FHIT: variants seen among roughly 807,000 people sequenced by gnomAD.
FHIT encodes fragile histidine triad diadenosine triphosphatase.
Under a neutral mutation model 17.9 loss-of-function variants are expected in FHIT, and 19 were observed. That is an observed-to-expected ratio of 1.06 (90% CI 0.74 to 1.56). The LOEUF (loss-of-function observed/expected upper bound fraction) is 1.56. FHIT is among the 40% of genes most tolerant of loss of function. FHIT has a pLI of 0.00. For synonymous variants in FHIT, 81 were observed against 69.7 expected (o/e 1.16, Z -0.81); for missense variants, 248 against 189.2 (o/e 1.31, Z -1.82).
chr3:60,763,854 C>T (rs1326019184), intron 4 of FHIT, among the ~76,000 whole-genome samples: 3 of 152,184 alleles, frequency 2.0e-5, no homozygotes, highest in African/African-American at 7.2e-5. Context: ...GTTAACACTG[C>T]TTTTTACTTC....
intron 5 of FHIT, among the ~76,000 whole-genome samples, chr3:60,083,711 T>C (rs1255060247): frequency 6.6e-6 from 1 of 152,186 alleles, no homozygotes; most frequent in Admixed American, 6.5e-5. Context: ...TGGCCTCTAT[T>C]GCAACAACTC....
intron 4 of FHIT, among the ~76,000 whole-genome samples, chr3:60,772,142 C>T (rs1700064711): frequency 7.7e-6 from 1 of 129,784 alleles, no homozygotes; most frequent in Non-Finnish European, 1.6e-5. Context: ...CTGGAAGCTG[C>T]ATTCTTCAGA....
At chr3:60,496,701 C>T (rs1020584477) in intron 5 of FHIT, among the ~76,000 whole-genome samples, 2 of 152,048 alleles carry the variant, frequency 1.3e-5, no homozygotes, top group African/African-American at 4.8e-5. Context: ...GGTTTTACAT[C>T]GTCTTAACTG....
chr3:60,308,510 A>G lies in FHIT; in HGVS notation c.103+228350T>C, dbSNP rs983995678. Among the ~76,000 whole-genome samples, 461 of 147,384 alleles carry G rather than the reference A, an allele frequency of 3.1e-3. 5 individuals are homozygous for G. Among genetic ancestry groups the G allele is most frequent in the African/African-American group, 0.011 (438 of 39,240 alleles). The stretch of plus-strand genomic sequence containing the variant: ...TAGGTGTATGTGTATATATATATAT[A>G]TATATATATATATATATATGCCTCT... On this transcript the variant is annotated intron_variant, in intron 5 of 9. Transcript: ENST00000492590.
At chr3:60,368,091 T>G (rs1013200199) in intron 5 of FHIT, among the ~76,000 whole-genome samples, 1 of 151,746 alleles carries the variant, frequency 6.6e-6, no homozygotes, top group African/African-American at 2.4e-5. Context: ...ACAAGTAAAG[T>G]GACTATGAAC....
chr3:60,408,958 G>C (rs1701970528), intron 5 of FHIT, among the ~76,000 whole-genome samples: 1 of 152,080 alleles, frequency 6.6e-6, no homozygotes, highest in Non-Finnish European at 1.5e-5. Context: ...AAATTCTGTA[G>C]CACAGAGTTT....
intron 5 of FHIT, among the ~76,000 whole-genome samples, chr3:60,070,821 T>C (rs2736816): frequency 0.33 from 50,754 of 151,960 alleles, 9,748 homozygotes; most frequent in African/African-American, 0.53. Context: ...AATTCCTTAA[T>C]ATCTTTCTTC....
intron 3 of FHIT, among the ~76,000 whole-genome samples, chr3:60,844,844 A>G (rs1702867992): frequency 6.6e-6 from 1 of 152,102 alleles, no homozygotes; most frequent in East Asian, 1.9e-4. Flanking sequence ...CTTGCTCTTC[A>G]TTAGCGCTAC....
intron 5 of FHIT, among the ~76,000 whole-genome samples, chr3:60,316,292 A>G (rs1258575930): frequency 6.6e-6 from 1 of 152,202 alleles, no homozygotes; most frequent in Non-Finnish European, 1.5e-5. Context: ...ATCCACCAGC[A>G]TGATTTTTAT....
At chr3:60,960,281 G>A (rs781822214) in intron 3 of FHIT, among the ~76,000 whole-genome samples, 6 of 152,000 alleles carry the variant, frequency 3.9e-5, no homozygotes, top group Non-Finnish European at 7.4e-5. Flanking sequence ...TTTCTTTTTT[G>A]TTGTGTGGTG....
intron 5 of FHIT, among the ~76,000 whole-genome samples, chr3:60,422,519 T>C (rs563448347): frequency 6.6e-6 from 1 of 152,264 alleles, no homozygotes; most frequent in South Asian, 2.1e-4. Context: ...TACAACATTC[T>C]TTTTTGTTGT....
intron 5 of FHIT, among the ~76,000 whole-genome samples, chr3:60,213,240 C>T (rs115096693): frequency 6.6e-6 from 1 of 152,144 alleles, no homozygotes; most frequent in African/African-American, 2.4e-5. Flanking sequence ...CTCTCTCCCC[C>T]CATCTGCTTC....
At chr3:60,175,981 C>A (rs1344415873) in intron 5 of FHIT, among the ~76,000 whole-genome samples, 1 of 152,160 alleles carries the variant, frequency 6.6e-6, no homozygotes, top group African/African-American at 2.4e-5. Flanking sequence ...ATTTACTGAG[C>A]ATTTGAAACG....
chr3:61,226,457 C>A (rs1047484327), intron 1 of FHIT, among the ~76,000 whole-genome samples: 1 of 152,076 alleles, frequency 6.6e-6, no homozygotes, highest in Non-Finnish European at 1.5e-5. Context: ...ATATTTCATT[C>A]ACATAATAAG....
chr3:59,974,527 A>C (rs1456925533), intron 7 of FHIT, among the ~76,000 whole-genome samples: 1 of 152,134 alleles, frequency 6.6e-6, no homozygotes, highest in East Asian at 1.9e-4. Flanking sequence ...TTTATTTTCT[A>C]CCTCATCTGT....
chr3:60,828,128 TG>T (rs1702191646), intron 3 of FHIT, among the ~76,000 whole-genome samples: 2 of 152,228 alleles, frequency 1.3e-5, no homozygotes, highest in African/African-American at 4.8e-5. Flanking sequence ...ATAATAACTT[TG>T]GCTTCCTCAT....
At chr3:60,080,844 T>C (rs1703249120) in intron 5 of FHIT, 1 of 152,172 alleles carries the variant, frequency 6.6e-6, no homozygotes, top group African/African-American at 2.4e-5. Context: ...AGTGATTGTG[T>C]TAGATGCAAA....
chr3:60,419,988 C>T (rs551795358), intron 5 of FHIT, among the ~76,000 whole-genome samples: 2 of 152,140 alleles, frequency 1.3e-5, no homozygotes, highest in African/African-American at 4.8e-5. Context: ...AAAGTCTATT[C>T]TACATCCTTC....
At chr3:61,102,425 G>A (rs2035861007) in intron 2 of FHIT, among the ~76,000 whole-genome samples, 2 of 152,130 alleles carry the variant, frequency 1.3e-5, no homozygotes, top group Admixed American at 6.5e-5. Context: ...TGGTGGATAG[G>A]CTTTTTGATG....
Sources: allele counts gnomAD v4.1 joint callset (sites outside exome capture counted in the v4.1 genomes callset), GRCh38; gene constraint gnomAD v4.1.1; transcripts MANE v1.5; gene names NCBI Gene and HGNC (gene_info 2026-07-23, HGNC 2026-07-21).